Variants in PARP15 observed in about 807,000 individuals in gnomAD.
PARP15 encodes the protein poly(ADP-ribose) polymerase family member 15, also known as protein mono-ADP-ribosyltransferase PARP15.
In PARP15, 50 loss-of-function variants were observed where a neutral mutation model predicts 62.1. That is an observed-to-expected ratio of 0.81 (90% CI 0.64 to 1.02). PARP15 has a LOEUF of 1.02. Ranked by LOEUF, PARP15 falls within the 50% of genes least tolerant of loss-of-function variation. The pLI, the probability that PARP15 is intolerant of heterozygous loss-of-function variation, is 0.00. For missense variants in PARP15, 820 were observed against 826.5 expected, an observed-to-expected ratio of 0.99 and a Z score of 0.10; for synonymous variants, 309 against 293.1, an observed-to-expected ratio of 1.05 and a Z score of -0.55.
intron 1 of PARP15, among the ~76,000 whole-genome samples, chr3:122,605,577 A>T (rs974029672): frequency 9.2e-5 from 14 of 152,042 alleles, no homozygotes; most frequent in African/African-American, 3.4e-4. Flanking sequence ...TTATTTACTT[A>T]TTTTTCATCT....
At chr3:122,608,213 CTTTTTTTT>C (rs71136576) in intron 2 of PARP15, among the ~76,000 whole-genome samples, 2 of 113,914 alleles carry the variant, frequency 1.8e-5, no homozygotes, top group African/African-American at 6.8e-5. Context: ...TTTCTCTTTT[CTTTTTTTT>C]TTTTTTTTTT....
chr3:122,605,161 T>C (rs1935074712), intron 1 of PARP15, among the ~76,000 whole-genome samples: 2 of 152,196 alleles, frequency 1.3e-5, no homozygotes, highest in Admixed American at 6.5e-5. Context: ...AGGTTGCTGC[T>C]GTATTTTTAT....
chr3:122,592,467 T>C (rs969268146), intron 1 of PARP15, among the ~76,000 whole-genome samples: 22 of 151,804 alleles, frequency 1.4e-4, no homozygotes, highest in African/African-American at 5.1e-4. Context: ...GGGAGAACAT[T>C]AGGAAAAATA....
intron 1 of PARP15, among the ~76,000 whole-genome samples, chr3:122,580,476 A>G (rs888221407): frequency 1.3e-5 from 2 of 152,224 alleles, no homozygotes; most frequent in African/African-American, 4.8e-5. Context: ...AAATAATGAT[A>G]AAATGCATAT....
chr3:122,605,978 A>G lies in PARP15; in HGVS notation c.229A>G (p.Arg77Gly), dbSNP rs1018229517. 19 of 1,551,762 alleles carry G rather than the reference A, an allele frequency of 1.2e-5. No homozygotes were observed. The African/African-American group carries it at 2.6e-4, about 21-fold the overall frequency. Residue 77 changes from arginine (R) to glycine (G), a missense_variant, in exon 2 of 12, where the codon AGG (arginine) becomes GGG (glycine). By Grantham distance (125) the Arg-to-Gly change is moderately radical. This residue lies in a region of PARP15 where 731 missense variants were observed against 727.7 expected (regional missense o/e 1.00). Coordinates refer to ENST00000464300, the MANE Select transcript of PARP15 (RefSeq NM_001113523.3). ...CAGCAAGAAAGATTGTCTTTCAATC[A>G]GGAATGTTGTAGCTTCAATCCAAAC... ...KFSKKDCLSI[R>G]NVVASIQTKE...
intron 9 of PARP15, among the ~76,000 whole-genome samples, chr3:122,628,231 C>T (rs189797087): frequency 1.3e-4 from 20 of 152,284 alleles, no homozygotes; most frequent in Non-Finnish European, 1.0e-4. Context: ...CTCTTTTAAG[C>T]GCTGAGAGTC....
At chr3:122,582,447 G>A (rs1933030556) in intron 1 of PARP15, among the ~76,000 whole-genome samples, 1 of 152,194 alleles carries the variant, frequency 6.6e-6, no homozygotes, top group South Asian at 2.1e-4. Flanking sequence ...AAAGTGTTGA[G>A]ATTAAATGTA....
At chr3:122,594,535 C>T in intron 1 of PARP15, 4 of 982,512 alleles carry the variant, frequency 4.1e-6, no homozygotes, top group Non-Finnish European at 4.8e-6. Context: ...TTAAAGATTG[C>T]TGTGTATTCA....
At chr3:122,608,094 C>A (rs1326002466) in intron 2 of PARP15, among the ~76,000 whole-genome samples, 4 of 152,094 alleles carry the variant, frequency 2.6e-5, no homozygotes, top group African/African-American at 9.7e-5. Flanking sequence ...AGTACTCCAT[C>A]GTCTGGCCCT....
intron 1 of PARP15, among the ~76,000 whole-genome samples, 182 bp downstream of exon 1, chr3:122,578,035 C>T (rs1458342043): frequency 6.8e-6 from 1 of 147,086 alleles, no homozygotes; most frequent in African/African-American, 2.5e-5. Context: ...CTTCTTTTTC[C>T]TTAGCATTTC....
chr3:122,628,755 G>T (rs1359821372), intron 9 of PARP15, among the ~76,000 whole-genome samples: 2 of 152,156 alleles, frequency 1.3e-5, no homozygotes, highest in Non-Finnish European at 2.9e-5. Flanking sequence ...TCTGGCACCC[G>T]AGGCAAAAAC....
intron 1 of PARP15, among the ~76,000 whole-genome samples, chr3:122,604,243 A>C (rs1935005374): frequency 6.6e-6 from 1 of 152,190 alleles, no homozygotes; most frequent in Non-Finnish European, 1.5e-5. Context: ...CCTTTTCAGG[A>C]CAATGAAGTT....
chr3:122,588,355 T>C (rs1933614287), intron 1 of PARP15, among the ~76,000 whole-genome samples: 1 of 50,698 alleles, frequency 2.0e-5, no homozygotes, highest in East Asian at 6.4e-4. Flanking sequence ...AATTGGTTTA[T>C]TGATTTTTTT....
Position 122,613,261 on chromosome 3 carries a change from G to T in PARP15, c.764G>T (p.Gly255Val), listed in dbSNP as rs1205951095. The change falls in exon 4 of 12, where the codon GGC (glycine) becomes GTC (valine). Residue 255 changes from glycine to valine, a missense_variant. Around this residue, in one of 3 missense-constraint regions of PARP15, gnomAD observed 731 missense variants for 727.7 expected, o/e 1.00. Transcript: ENST00000464300. ...CTGGTATATACAAATGACGATGAAGGCTGTCAGGTATGGTTACATATCCCA... is the reference window on the plus strand; with the variant it reads ...CTGGTATATACAAATGACGATGAAGTCTGTCAGGTATGGTTACATATCCCA... ...HFLVYTNDDEGCQAFLDEFTN... is the reference protein window; with the variant it reads ...HFLVYTNDDEVCQAFLDEFTN... The T allele has an allele frequency of 6.5e-7, 1 of 1,543,290 alleles. No individual in the cohort carries two copies. Among genetic ancestry groups the T allele is most frequent in the Non-Finnish European group, 8.8e-7 (1 of 1,139,068 alleles).
chr3:122,608,786 G>A (rs911561236), intron 2 of PARP15, among the ~76,000 whole-genome samples: 7 of 75,738 alleles, frequency 9.2e-5, no homozygotes, highest in Admixed American at 1.5e-4. Flanking sequence ...TTTTTTTTTT[G>A]AGATAGCGTC....
chr3:122,620,481 A>G (rs1299813208), intron 7 of PARP15, among the ~76,000 whole-genome samples: 1 of 152,196 alleles, frequency 6.6e-6, no homozygotes, highest in Non-Finnish European at 1.5e-5. Context: ...ATGTTTGACA[A>G]TGTATTCCCA....
At chr3:122,579,585 T>C (rs1179843885) in intron 1 of PARP15, among the ~76,000 whole-genome samples, 1 of 152,250 alleles carries the variant, frequency 6.6e-6, no homozygotes, top group Non-Finnish European at 1.5e-5. Flanking sequence ...AGAGAGTCTT[T>C]GGAGCCTTAG....
chr3:122,600,327 C>T (rs576499295), intron 1 of PARP15, among the ~76,000 whole-genome samples: 89 of 152,100 alleles, frequency 5.9e-4, no homozygotes, highest in African/African-American at 2.1e-3. Flanking sequence ...TTCTGCTTGC[C>T]TGGGAAGTTA....
intron 4 of PARP15, chr3:122,615,390 C>T (rs534394475): frequency 8.5e-6 from 11 of 1,297,294 alleles, no homozygotes; most frequent in Non-Finnish European, 1.1e-5. Context: ...CGTTGTTGCC[C>T]TGCCCCCTGC....
Sources: gnomAD v4.1 joint callset for allele counts (sites outside exome capture counted in the v4.1 genomes callset) on GRCh38, gnomAD v4.1.1 for gene constraint, gnomAD v4.1.1 regional missense constraint, MANE v1.5 for transcripts, NCBI Gene and HGNC (gene_info 2026-07-23, HGNC 2026-07-21) for gene names.